The following RHOJ variants were observed in gnomAD, a reference collection of about 807,000 sequenced individuals.
RHOJ encodes rho-related GTP-binding protein RhoJ.
Under a neutral mutation model 23.4 loss-of-function variants are expected in RHOJ, and 11 were observed. The observed-to-expected ratio is 0.47, with a 90% CI of 0.30 to 0.78. The LOEUF (loss-of-function observed/expected upper bound fraction) is 0.78, where lower values mean the gene tolerates loss of function less well. RHOJ is among the 30% of genes least tolerant of loss of function. The pLI, the probability that RHOJ is intolerant of heterozygous loss-of-function variation, is 0.08. For missense variants in RHOJ, 254 were observed against 273.4 expected, an observed-to-expected ratio of 0.93 and a Z score of 0.50; for synonymous variants, 102 against 102.7, an observed-to-expected ratio of 0.99 and a Z score of 0.04.
At chr14:63,224,190 A>G (rs563791596) in intron 1 of RHOJ, among the ~76,000 whole-genome samples, 1 of 152,344 alleles carries the variant, frequency 6.6e-6, no homozygotes, top group South Asian at 2.1e-4. Flanking sequence ...GTAGAATGAC[A>G]TAAGGTGTAA....
intron 4 of RHOJ, 173 bp downstream of exon 4, chr14:63,283,389 G>A: frequency 1.7e-6 from 1 of 596,352 alleles, no homozygotes. Flanking sequence ...GGAGCCATTT[G>A]GTTAGCCTTC....
At chr14:63,256,434 G>A (rs761808757) in intron 1 of RHOJ, among the ~76,000 whole-genome samples, 11 of 152,080 alleles carry the variant, frequency 7.2e-5, no homozygotes, top group Non-Finnish European at 1.3e-4. Flanking sequence ...TTAGAAATTT[G>A]TGATTGGAGG....
At chr14:63,254,241 T>A (rs1895122872) in intron 1 of RHOJ, among the ~76,000 whole-genome samples, 1 of 152,122 alleles carries the variant, frequency 6.6e-6, no homozygotes, top group African/African-American at 2.4e-5. Context: ...TTTCTAGAAT[T>A]GATCAGTTTC....
chr14:63,260,827 T>C (rs1395611193), intron 1 of RHOJ, among the ~76,000 whole-genome samples: 1 of 151,818 alleles, frequency 6.6e-6, no homozygotes, highest in Non-Finnish European at 1.5e-5. Context: ...ATACACATTG[T>C]TGTACACATG....
intron 4 of RHOJ, among the ~76,000 whole-genome samples, chr14:63,287,964 G>A (rs1249043982): frequency 6.6e-6 from 1 of 151,970 alleles, no homozygotes; most frequent in Non-Finnish European, 1.5e-5. Flanking sequence ...ATTTTTTTTA[G>A]CAATCTGGCT....
intron 1 of RHOJ, among the ~76,000 whole-genome samples, chr14:63,240,501 AAG>A: frequency 6.6e-6 from 1 of 152,338 alleles, no homozygotes; most frequent in South Asian, 2.1e-4. Flanking sequence ...AAAAGAAAAA[AAG>A]ATACAGCTGA....
intron 1 of RHOJ, among the ~76,000 whole-genome samples, chr14:63,219,539 C>T (rs986506936): frequency 2.6e-5 from 4 of 151,976 alleles, no homozygotes; most frequent in Admixed American, 6.6e-5. Context: ...CTTTTCTGGC[C>T]GGGCGTGGTG....
intron 1 of RHOJ, among the ~76,000 whole-genome samples, chr14:63,222,817 C>G (rs1272475149): frequency 2.0e-5 from 3 of 152,194 alleles, no homozygotes; most frequent in Non-Finnish European, 4.4e-5. Context: ...TGTGCAGAAG[C>G]TCTTTAGTTT....
chr14:63,211,084 A>G lies in RHOJ; in HGVS notation c.178+6037A>G, dbSNP rs1016689637. Reference sequence around the variant, plus strand: ...GAAGTTGTTTTTACAGAAAGCTGAAAGTCAGTTCTAACTTTTTCCACTTAG... The same window carrying G: ...GAAGTTGTTTTTACAGAAAGCTGAAGGTCAGTTCTAACTTTTTCCACTTAG... On this transcript the variant is annotated intron_variant, in intron 1 of 4. Transcript: ENST00000316754. Among the ~76,000 whole-genome samples the G allele has an allele frequency of 2.1e-4, 32 of 152,238 alleles. 1 individual carries two copies. Among genetic ancestry groups the G allele is most frequent in the Non-Finnish European group, 4.1e-4 (28 of 68,042 alleles).
At chr14:63,244,702 T>G (rs1359745774) in intron 1 of RHOJ, among the ~76,000 whole-genome samples, 1 of 152,222 alleles carries the variant, frequency 6.6e-6, no homozygotes, top group Non-Finnish European at 1.5e-5. Context: ...ACACATTATC[T>G]CTAATCCTTG....
At chr14:63,206,335 A>G (rs531010217) in intron 1 of RHOJ, among the ~76,000 whole-genome samples, 2 of 152,312 alleles carry the variant, frequency 1.3e-5, no homozygotes, top group South Asian at 2.1e-4. Context: ...TATAATGACT[A>G]TGCCCAGAGA....
intron 1 of RHOJ, among the ~76,000 whole-genome samples, chr14:63,215,389 C>G (rs1417313973): frequency 1.3e-5 from 2 of 152,284 alleles, no homozygotes; most frequent in East Asian, 3.9e-4. Context: ...TCAACTGAAT[C>G]CAGATTGCCA....
At chr14:63,261,552 T>C (rs1486996909) in intron 1 of RHOJ, among the ~76,000 whole-genome samples, 1 of 151,438 alleles carries the variant, frequency 6.6e-6, no homozygotes, top group Non-Finnish European at 1.5e-5. Context: ...CACCTCAGCC[T>C]CCCAAGTAGC....
intron 1 of RHOJ, among the ~76,000 whole-genome samples, chr14:63,242,048 A>G (rs935223660): frequency 1.3e-5 from 2 of 152,358 alleles, no homozygotes; most frequent in Non-Finnish European, 2.9e-5. Context: ...TTGAAAGTCC[A>G]TGTTTTAATA....
intron 1 of RHOJ, among the ~76,000 whole-genome samples, chr14:63,234,734 T>A (rs1338068744): frequency 6.6e-6 from 1 of 152,150 alleles, no homozygotes; most frequent in African/African-American, 2.4e-5. Context: ...ACATATATTT[T>A]TTCCAAAAAA....
chr14:63,276,259 A>G (rs940151387), intron 2 of RHOJ, among the ~76,000 whole-genome samples: 4 of 152,150 alleles, frequency 2.6e-5, no homozygotes, highest in African/African-American at 9.7e-5. Context: ...ATTTCTAACA[A>G]GCTCCCAGGT....
At chr14:63,240,751 A>G (rs1403508379) in intron 1 of RHOJ, among the ~76,000 whole-genome samples, 1 of 152,232 alleles carries the variant, frequency 6.6e-6, no homozygotes, top group Non-Finnish European at 1.5e-5. Context: ...CAGAACAAGT[A>G]ACAAAACATA....
chr14:63,278,672 A>T (rs965997962), intron 2 of RHOJ, among the ~76,000 whole-genome samples: 1 of 152,178 alleles, frequency 6.6e-6, no homozygotes, highest in Admixed American at 6.5e-5. Context: ...AAACATGTGT[A>T]TGTGGTATAC....
intron 1 of RHOJ, among the ~76,000 whole-genome samples, chr14:63,245,870 G>T (rs1024618984): frequency 1.3e-5 from 2 of 152,126 alleles, no homozygotes; most frequent in African/African-American, 2.4e-5. Context: ...AGAAGAAGGG[G>T]GTGATTAGAG....
Sources: allele counts gnomAD v4.1 joint callset (sites outside exome capture counted in the v4.1 genomes callset), GRCh38; gene constraint gnomAD v4.1.1; transcripts MANE v1.5; gene names NCBI Gene and HGNC (gene_info 2026-07-23, HGNC 2026-07-21).